The following IGSF21 variants were observed in gnomAD, a reference collection of about 807,000 sequenced individuals.
The protein encoded by IGSF21 is immunoglobulin superfamily member 21.
A neutral mutation model predicts 46.8 loss-of-function variants in IGSF21; 28 were observed. The ratio of observed to expected loss-of-function variants is 0.60; its 90% CI spans 0.44 to 0.82. The LOEUF (loss-of-function observed/expected upper bound fraction) is 0.82. IGSF21 is among the 40% of genes least tolerant of loss of function. The probability of loss-of-function intolerance (pLI) is 0.00; values close to 1 mark genes in which losing one functional copy is unlikely to be tolerated. For synonymous variants in IGSF21, 284 were observed against 273.6 expected, an observed-to-expected ratio of 1.04 and a Z score of -0.38; for missense variants, 624 against 665.5, an observed-to-expected ratio of 0.94 and a Z score of 0.69.
chr1:18,308,731 C>G (rs2085452258), intron 3 of IGSF21, among the ~76,000 whole-genome samples: 1 of 152,154 alleles, frequency 6.6e-6, no homozygotes, highest in Non-Finnish European at 1.5e-5. Flanking sequence ...CAGCAGGAGC[C>G]CCCTTTTCTG....
chr1:18,334,254 A>C lies in IGSF21; in HGVS notation c.306-638A>C, dbSNP rs918937345. Reference sequence around the variant, plus strand: ...GCTTTTCCATGTGAGTGTGGAACCCAGATCAGCTTCTCTACCTCCTTGTCT... The same window carrying C: ...GCTTTTCCATGTGAGTGTGGAACCCCGATCAGCTTCTCTACCTCCTTGTCT... On this transcript the variant is annotated intron_variant, in intron 3 of 9. Transcript: ENST00000251296. This position sits in a 1 kb window ranked among gnomAD's most constrained non-coding sequence, Gnocchi z 4.3. 6.6e-6 allele frequency among the ~76,000 whole-genome samples: 1 copy of C among 152,178 alleles called. No individual in the cohort carries two copies.
chr1:18,362,919 C>T (rs2086117641), intron 5 of IGSF21, among the ~76,000 whole-genome samples: 1 of 152,168 alleles, frequency 6.6e-6, no homozygotes, highest in South Asian at 2.1e-4. Flanking sequence ...CAACCATGAG[C>T]AGGAAATGCC....
chr1:18,241,778 T>G lies in IGSF21; in HGVS notation c.183+13768T>G, dbSNP rs551693399. ...ATGTTACAAAGATCACCTCACTGAA[T>G]CCATACAGGAATCACAAGATGCCGG... On this transcript the variant is annotated intron_variant, in intron 2 of 9. Transcript: ENST00000251296. Among the ~76,000 whole-genome samples, 66 of 152,274 alleles carry G rather than the reference T, an allele frequency of 4.3e-4. 1 individual carries two copies. The highest frequency in any genetic ancestry group is 6.8e-3 in the Middle Eastern group (2 of 294).
intron 3 of IGSF21, among the ~76,000 whole-genome samples, chr1:18,324,320 C>T (rs2085636210): frequency 6.6e-6 from 1 of 152,240 alleles, no homozygotes; most frequent in Non-Finnish European, 1.5e-5. Context: ...TACCTTGACT[C>T]ATTAAGACTT....
intron 4 of IGSF21, among the ~76,000 whole-genome samples, chr1:18,348,327 C>A (rs2085915781): frequency 2.0e-5 from 3 of 152,330 alleles, no homozygotes; most frequent in Middle Eastern, 3.4e-3. Flanking sequence ...CCCCCTGGGG[C>A]CCTCACCAAC....
intron 1 of IGSF21, chr1:18,176,270 C>T (rs1234459029): frequency 6.6e-6 from 1 of 152,186 alleles, no homozygotes; most frequent in African/African-American, 2.4e-5. Context: ...GAGAGGCATC[C>T]TAGCTTAAAG....
intron 1 of IGSF21, among the ~76,000 whole-genome samples, chr1:18,164,569 A>C (rs2086659532): frequency 6.6e-6 from 1 of 152,140 alleles, no homozygotes; most frequent in Non-Finnish European, 1.5e-5. Context: ...CAGCAAACAC[A>C]CACCTTAGGA....
At chr1:18,235,735 G>A (rs1017521720) in intron 2 of IGSF21, among the ~76,000 whole-genome samples, 1 of 152,308 alleles carries the variant, frequency 6.6e-6, no homozygotes, top group African/African-American at 2.4e-5. Flanking sequence ...GCACCAGGAA[G>A]CATTGAGTTT....
At chr1:18,221,043 A>G (rs1424075511) in intron 1 of IGSF21, among the ~76,000 whole-genome samples, 1 of 151,564 alleles carries the variant, frequency 6.6e-6, no homozygotes, top group Non-Finnish European at 1.5e-5. Context: ...CAGGAAGCCC[A>G]TGTTGCATAC....
rs772181023 is a variant in IGSF21 at position 18,376,389 on chromosome 1, G to C, written c.1095G>C (p.Gly365=). The change falls in exon 7 of 10, where the codon GGG becomes GGC. Residue 365 remains glycine, a synonymous_variant. Transcript: ENST00000251296. ...VGDTVRILVH[G]FQNEVFPEPM... ...ACACAGTGAGGATTCTGGTCCATGG[G>C]TTTCAGGTCAGCCTCTCTCTGAGCA... 1.9e-6 allele frequency: 3 copies of C among 1,612,906 alleles called. No homozygotes were observed. The highest frequency in any genetic ancestry group is 2.5e-6 in the Non-Finnish European group (3 of 1,179,076).
intron 2 of IGSF21, among the ~76,000 whole-genome samples, chr1:18,254,320 G>A (rs984302546): frequency 1.3e-5 from 2 of 151,988 alleles, no homozygotes; most frequent in African/African-American, 4.8e-5. Context: ...GCCATTCACT[G>A]GATCTAGACC....
At chr1:18,144,801 C>G (rs1268689508) in intron 1 of IGSF21, among the ~76,000 whole-genome samples, 1 of 152,116 alleles carries the variant, frequency 6.6e-6, no homozygotes, top group East Asian at 1.9e-4. Flanking sequence ...GAGATTCCTG[C>G]TGGGGCCCTT....
At chr1:18,327,537 C>T (rs558723447) in intron 3 of IGSF21, among the ~76,000 whole-genome samples, 4 of 152,130 alleles carry the variant, frequency 2.6e-5, no homozygotes, top group South Asian at 2.1e-4. Flanking sequence ...TGTGTAGCCA[C>T]GAAATGCGAT....
intron 1 of IGSF21, among the ~76,000 whole-genome samples, chr1:18,170,742 G>A (rs562757703): frequency 5.1e-4 from 78 of 152,046 alleles, no homozygotes; most frequent in African/African-American, 1.7e-3. Flanking sequence ...CTGCTATCCC[G>A]GTTCTGATGA....
intron 1 of IGSF21, among the ~76,000 whole-genome samples, chr1:18,212,190 C>T (rs1338717336): frequency 6.6e-6 from 1 of 152,246 alleles, no homozygotes; most frequent in Non-Finnish European, 1.5e-5. Context: ...TGGGCCATCT[C>T]TCTGCATCTC....
chr1:18,199,528 C>G (rs754308432), intron 1 of IGSF21, among the ~76,000 whole-genome samples: 4 of 152,154 alleles, frequency 2.6e-5, no homozygotes, highest in Non-Finnish European at 5.9e-5. Context: ...TCCAGGCATC[C>G]GACTCCACAG....
chr1:18,163,100 G>A (rs72655128), intron 1 of IGSF21, among the ~76,000 whole-genome samples: 24,852 of 152,154 alleles, frequency 0.16, 2,547 homozygotes, highest in Middle Eastern at 0.27. Flanking sequence ...CATGGGGCTT[G>A]GGGGCACAGT....
chr1:18,258,558 T>C lies in IGSF21; in HGVS notation c.183+30548T>C, dbSNP rs112249422. On this transcript the variant is annotated intron_variant, in intron 2 of 9. Transcript: ENST00000251296. ...ATTTGGGCATGTCTGAGCCTCAGTT[T>C]CCTTGTGTGTGAAATGAAGCCCCTG... 6.1e-3 allele frequency among the ~76,000 whole-genome samples: 936 copies of C among 152,298 alleles called. 8 individuals carry two copies. Among genetic ancestry groups the C allele is most frequent in the African/African-American group, 0.021 (879 of 41,556 alleles).
At chr1:18,364,119 G>T (rs12070561) in intron 5 of IGSF21, among the ~76,000 whole-genome samples, 3,330 of 152,120 alleles carry the variant, frequency 0.022, 112 homozygotes, top group African/African-American at 0.075. Flanking sequence ...CCCAACATTT[G>T]CGACACGGCA....
Sources: allele counts gnomAD v4.1 joint callset (sites outside exome capture counted in the v4.1 genomes callset), GRCh38; gene constraint gnomAD v4.1.1; non-coding constraint Gnocchi (gnomAD v3.1); transcripts MANE v1.5; gene names NCBI Gene and HGNC (gene_info 2026-07-23, HGNC 2026-07-21).